The following NEK10 variants were observed in gnomAD, a reference collection of about 807,000 sequenced individuals.
NEK10 encodes NIMA related kinase 10, also known as serine/threonine-protein kinase Nek10.
A neutral mutation model predicts 159.8 loss-of-function variants in NEK10; 122 were observed. The observed-to-expected ratio is 0.76, with a 90% CI of 0.66 to 0.89. The LOEUF is 0.89. Ranked by LOEUF, NEK10 falls within the 40% of genes least tolerant of loss-of-function variation. NEK10 has a pLI of 0.00. For missense variants in NEK10, 1,342 were observed against 1,323.1 expected, an observed-to-expected ratio of 1.01 and a Z score of -0.22; for synonymous variants, 466 against 457.1, an observed-to-expected ratio of 1.02 and a Z score of -0.25.
At chr3:27,293,964 A>C (rs1212157724) in intron 15 of NEK10, among the ~76,000 whole-genome samples, 2 of 152,254 alleles carry the variant, frequency 1.3e-5, no homozygotes, top group Non-Finnish European at 2.9e-5. Context: ...TGAGAAAACC[A>C]AATGTCTAAA....
chr3:27,237,671 G>A (rs1380926251), intron 23 of NEK10, among the ~76,000 whole-genome samples: 1 of 152,056 alleles, frequency 6.6e-6, no homozygotes, highest in African/African-American at 2.4e-5. Flanking sequence ...AGTGGGGTGA[G>A]GAAGGGTGGG....
chr3:27,266,597 A>G (rs1486842506), intron 22 of NEK10, among the ~76,000 whole-genome samples: 2 of 152,216 alleles, frequency 1.3e-5, no homozygotes, highest in South Asian at 4.1e-4. Context: ...AAGTGGCACC[A>G]TCATTGACCT....
chr3:27,259,099 C>T (rs773176755), intron 22 of NEK10, among the ~76,000 whole-genome samples: 5 of 151,212 alleles, frequency 3.3e-5, no homozygotes, highest in Non-Finnish European at 5.9e-5. Flanking sequence ...AGGGAGTTCA[C>T]TGTAGATTCT....
At chr3:27,144,269 G>A (rs1051020211) in intron 30 of NEK10, among the ~76,000 whole-genome samples, 4 of 152,136 alleles carry the variant, frequency 2.6e-5, no homozygotes, top group East Asian at 3.8e-4. Context: ...CTCTGTAACC[G>A]CTGAAGACTA....
intron 26 of NEK10, among the ~76,000 whole-genome samples, chr3:27,177,105 T>C (rs2148895569): frequency 6.6e-6 from 1 of 152,312 alleles, no homozygotes; most frequent in South Asian, 2.1e-4. Context: ...CAATAGTCAC[T>C]TGTAACTGCC....
intron 23 of NEK10, among the ~76,000 whole-genome samples, chr3:27,223,694 C>G (rs1952349836): frequency 6.6e-6 from 1 of 152,126 alleles, no homozygotes; most frequent in Admixed American, 6.5e-5. Context: ...TGTGGCTCCT[C>G]AAGGTTTTAT....
chr3:27,279,702 C>T (rs547083554), intron 22 of NEK10, among the ~76,000 whole-genome samples: 192 of 152,196 alleles, frequency 1.3e-3, no homozygotes, highest in Non-Finnish European at 2.3e-3. Context: ...CATGAATGCC[C>T]TAACCACACA....
chr3:27,332,692 C>T (rs1301113757), intron 5 of NEK10, among the ~76,000 whole-genome samples: 1 of 152,198 alleles, frequency 6.6e-6, no homozygotes, highest in Non-Finnish European at 1.5e-5. Context: ...AGCAGATATA[C>T]ACAAGAGATC....
chr3:27,352,585 T>G (rs1474025585), intron 2 of NEK10, 60 bp from the exon 3 acceptor site: 6 of 1,253,162 alleles, frequency 4.8e-6, no homozygotes, highest in Non-Finnish European at 5.8e-6. Flanking sequence ...CAAGATCGTG[T>G]TACCCACTGA....
At chr3:27,210,527 G>A (rs2120893) in intron 23 of NEK10, among the ~76,000 whole-genome samples, 35,742 of 151,922 alleles carry the variant, frequency 0.24, 4,552 homozygotes, top group Middle Eastern at 0.38. Context: ...TCTGTATAAC[G>A]AGACCACCTT....
chr3:27,345,045 G>GA (rs1291399190), intron 4 of NEK10, among the ~76,000 whole-genome samples: 1 of 152,044 alleles, frequency 6.6e-6, no homozygotes, highest in Non-Finnish European at 1.5e-5. Flanking sequence ...AAAAGGATAA[G>GA]AAAAAATGAA....
At chr3:27,148,124 G>A (rs1310600637) in intron 30 of NEK10, among the ~76,000 whole-genome samples, 2 of 152,132 alleles carry the variant, frequency 1.3e-5, no homozygotes, top group Non-Finnish European at 2.9e-5. Context: ...GAATGAACAA[G>A]GTTCCAGCTA....
chr3:27,176,575 C>T (rs1233057941), intron 26 of NEK10, among the ~76,000 whole-genome samples: 2 of 152,362 alleles, frequency 1.3e-5, no homozygotes, highest in East Asian at 3.9e-4. Flanking sequence ...GCAAAACCAA[C>T]TCAACTTCTT....
intron 20 of NEK10, among the ~76,000 whole-genome samples, chr3:27,285,565 C>G (rs945206494): frequency 6.6e-6 from 1 of 151,152 alleles, no homozygotes; most frequent in South Asian, 2.1e-4. Flanking sequence ...CAAAACTGGA[C>G]TTCTCCAGGT....
chr3:27,283,279 T>C (rs1373154692), intron 22 of NEK10, among the ~76,000 whole-genome samples: 1 of 152,086 alleles, frequency 6.6e-6, no homozygotes, highest in Non-Finnish European at 1.5e-5. Context: ...ATCAATAACA[T>C]TGATGGCAGT....
intron 6 of NEK10, among the ~76,000 whole-genome samples, chr3:27,315,013 C>A (rs1344674812): frequency 1.3e-5 from 2 of 152,178 alleles, no homozygotes; most frequent in African/African-American, 4.8e-5. Flanking sequence ...TAATTTTTGA[C>A]AATGTCTCCT....
chr3:27,309,245 A>C (rs2044491126), intron 9 of NEK10: 1 of 246,844 alleles, frequency 4.1e-6, no homozygotes, highest in South Asian at 1.4e-4. Context: ...TTTTTTCTTA[A>C]TGTTATCTAC....
At chr3:27,317,240 C>T (rs546106476) in intron 6 of NEK10, among the ~76,000 whole-genome samples, 2 of 152,304 alleles carry the variant, frequency 1.3e-5, no homozygotes, top group Non-Finnish European at 2.9e-5. Context: ...ACTGTACTAA[C>T]CTGAGAGTGT....
intron 23 of NEK10, among the ~76,000 whole-genome samples, chr3:27,236,137 C>A (rs1464251799): frequency 6.6e-6 from 1 of 151,916 alleles, no homozygotes; most frequent in African/African-American, 2.4e-5. Flanking sequence ...ACAAGGCACA[C>A]TGGGGTCTAC....
Sources: gnomAD v4.1 joint callset for allele counts (sites outside exome capture counted in the v4.1 genomes callset) on GRCh38, gnomAD v4.1.1 for gene constraint, MANE v1.5 for transcripts, NCBI Gene and HGNC (gene_info 2026-07-23, HGNC 2026-07-21) for gene names.